FOXP1: variants seen among roughly 807,000 people sequenced by gnomAD.
The protein encoded by FOXP1 is forkhead box protein P1.
A neutral mutation model predicts 98.2 loss-of-function variants in FOXP1; 15 were observed. That is an observed-to-expected ratio of 0.15 (90% confidence interval 0.10 to 0.24). The LOEUF is 0.24. Among genes scored for constraint, FOXP1 ranks in the 10% least tolerant of loss-of-function variants. The probability of loss-of-function intolerance (pLI) is 1.00; values close to 1 mark genes in which losing one functional copy is unlikely to be tolerated. For missense variants in FOXP1, 633 were observed against 848.5 expected (o/e 0.75, Z 3.15); for synonymous variants, 371 against 314.5 (o/e 1.18, Z -1.90).
chr3:71,507,291 G>C (rs1054129352), intron 2 of FOXP1, among the ~76,000 whole-genome samples: 1 of 152,104 alleles, frequency 6.6e-6, no homozygotes, highest in African/African-American at 2.4e-5. Flanking sequence ...ACAAGACTTA[G>C]AATCCCTTCC....
chr3:71,437,133 C>T (rs1442174682), intron 3 of FOXP1, among the ~76,000 whole-genome samples: 1 of 152,122 alleles, frequency 6.6e-6, no homozygotes, highest in Non-Finnish European at 1.5e-5. Context: ...GAAAACAGAG[C>T]TGGGCATGAT....
At chr3:71,342,641 C>T (rs1299170472) in intron 4 of FOXP1, among the ~76,000 whole-genome samples, 1 of 150,490 alleles carries the variant, frequency 6.6e-6, no homozygotes, top group African/African-American at 2.4e-5. Context: ...TGCAGTGAGC[C>T]GAGATCACGC....
At chr3:71,213,539 G>A (rs751003265) in intron 5 of FOXP1, among the ~76,000 whole-genome samples, 8 of 152,084 alleles carry the variant, frequency 5.3e-5, no homozygotes, top group South Asian at 2.1e-4. Context: ...ACACATGGCC[G>A]GGCATGGTGG....
chr3:71,227,851 G>A (rs1329662491), intron 5 of FOXP1, among the ~76,000 whole-genome samples: 1 of 152,110 alleles, frequency 6.6e-6, no homozygotes, highest in African/African-American at 2.4e-5. Flanking sequence ...TAAAGAGGAA[G>A]GAGGAGTGCC....
chr3:71,043,318 T>G (rs1453444707), intron 10 of FOXP1, among the ~76,000 whole-genome samples: 3 of 152,210 alleles, frequency 2.0e-5, no homozygotes, highest in African/African-American at 4.8e-5. Context: ...TTATTAGGCA[T>G]AGTCAATTAT....
At chr3:71,382,712 T>C (rs1294895506) in intron 3 of FOXP1, among the ~76,000 whole-genome samples, 2 of 152,202 alleles carry the variant, frequency 1.3e-5, no homozygotes, top group East Asian at 3.9e-4. Context: ...AAGTCTCTCC[T>C]GCAGCCTACC....
At chr3:71,278,846 T>C (rs2071200763) in intron 5 of FOXP1, among the ~76,000 whole-genome samples, 2 of 151,846 alleles carry the variant, frequency 1.3e-5, no homozygotes, top group African/African-American at 4.8e-5. Flanking sequence ...CAGCCGCGCC[T>C]TCATGAATCT....
At chr3:71,438,357 A>T (rs1198737120) in intron 3 of FOXP1, among the ~76,000 whole-genome samples, 2 of 152,182 alleles carry the variant, frequency 1.3e-5, no homozygotes, top group Non-Finnish European at 2.9e-5. Context: ...GCTTTCAAAA[A>T]TGTGAAAACA....
chr3:71,483,042 G>A (rs1482837579), intron 3 of FOXP1, among the ~76,000 whole-genome samples: 1 of 151,492 alleles, frequency 6.6e-6, no homozygotes, highest in Non-Finnish European at 1.5e-5. Flanking sequence ...GTCTCACTAT[G>A]TTGCCCAGGC....
intron 5 of FOXP1, among the ~76,000 whole-genome samples, chr3:71,224,700 T>C (rs932070519): frequency 2.0e-5 from 3 of 152,172 alleles, no homozygotes; most frequent in Non-Finnish European, 2.9e-5. Context: ...AACAAATCAA[T>C]GACCAGATGG....
intron 7 of FOXP1, among the ~76,000 whole-genome samples, chr3:71,061,648 A>T (rs183476498): frequency 6.6e-6 from 1 of 152,304 alleles, no homozygotes; most frequent in East Asian, 1.9e-4. Flanking sequence ...AACCTTCTCG[A>T]TCAACTGTTG....
At chr3:70,995,792 C>G (rs1344018745) in intron 13 of FOXP1, among the ~76,000 whole-genome samples, 2 of 152,158 alleles carry the variant, frequency 1.3e-5, no homozygotes, top group Non-Finnish European at 2.9e-5. Flanking sequence ...AAGGTTGCAA[C>G]AAGAGAATGG....
chr3:71,534,498 C>T (rs951358740), intron 2 of FOXP1, among the ~76,000 whole-genome samples: 16 of 152,258 alleles, frequency 1.1e-4, no homozygotes, highest in Non-Finnish European at 2.2e-4. Context: ...CAAAGGTCAA[C>T]TCCACTTCTC....
At chr3:71,409,883 C>CA (rs1223737924) in intron 3 of FOXP1, among the ~76,000 whole-genome samples, 3 of 152,072 alleles carry the variant, frequency 2.0e-5, no homozygotes, top group African/African-American at 4.8e-5. Flanking sequence ...GGTGTGGTAG[C>CA]ATGTGCCTGT....
intron 12 of FOXP1, among the ~76,000 whole-genome samples, chr3:71,008,281 A>G (rs571722277): frequency 3.9e-5 from 6 of 152,260 alleles, no homozygotes. Context: ...ATGAGCATTA[A>G]AAAAAGGGAG....
intron 5 of FOXP1, among the ~76,000 whole-genome samples, chr3:71,285,248 A>G (rs893044968): frequency 2.0e-4 from 31 of 152,242 alleles, no homozygotes; most frequent in African/African-American, 7.5e-4. Context: ...GCCCTTGGCA[A>G]AACACGTCAC....
In FOXP1 at chr3:71,100,058, T is replaced by C. The variant is rs568225628; in HGVS notation, c.282+12478A>G. ...AGAAAAAGACCTCTCCACTCTGACA[T>C]GGATCAGCATAGACTATGGTCAGAT... On this transcript the variant is annotated intron_variant, in intron 7 of 20. Coordinates refer to ENST00000649528, the MANE Select transcript of FOXP1 (RefSeq NM_001349338.3). 1.9e-3 allele frequency among the ~76,000 whole-genome samples: 287 copies of C among 152,324 alleles called. 2 individuals are homozygous for C. Among genetic ancestry groups the C allele is most frequent in the Non-Finnish European group, 2.4e-3 (166 of 68,026 alleles).
chr3:70,963,180 G>A (rs1035161533), intron 20 of FOXP1, among the ~76,000 whole-genome samples: 1 of 152,228 alleles, frequency 6.6e-6, no homozygotes, highest in African/African-American at 2.4e-5. Context: ...CTGTAGGCTC[G>A]ACTCCCAGTG....
At chr3:71,360,364 C>A (rs906886515) in intron 3 of FOXP1, 5 of 151,964 alleles carry the variant, frequency 3.3e-5, no homozygotes, top group African/African-American at 1.2e-4. Flanking sequence ...TTTTCAGTTG[C>A]ATTTCAAATG....
Sources: gnomAD v4.1 joint callset for allele counts (sites outside exome capture counted in the v4.1 genomes callset) on GRCh38, gnomAD v4.1.1 for gene constraint, MANE v1.5 for transcripts, NCBI Gene and HGNC (gene_info 2026-07-23, HGNC 2026-07-21) for gene names.